Variants in GRM8 observed in about 807,000 individuals in gnomAD.
GRM8 encodes the protein metabotropic glutamate receptor 8.
GRM8 carries 47 observed loss-of-function variants against 87.2 expected under a neutral mutation model. That is an observed-to-expected ratio of 0.54 (90% CI 0.43 to 0.69). The LOEUF is 0.69. Among genes scored for constraint, GRM8 ranks in the 30% least tolerant of loss-of-function variants. GRM8 has a pLI of 0.00. For synonymous variants in GRM8, 396 were observed against 404.5 expected, an observed-to-expected ratio of 0.98 and a Z score of 0.25; for missense variants, 1,019 against 1,139.2, an observed-to-expected ratio of 0.89 and a Z score of 1.52.
At chr7:126,683,094 A>G (rs567895652) in intron 7 of GRM8, among the ~76,000 whole-genome samples, 18 of 152,344 alleles carry the variant, frequency 1.2e-4, no homozygotes, top group African/African-American at 4.1e-4. Flanking sequence ...CCCCTGTGGT[A>G]GGATATACTG....
Position 127,179,070 on chromosome 7 carries a change from G to A in GRM8, c.510+63625C>T, listed in dbSNP as rs989755925. ...TTCCACTTAAAAGATACAGAACCACGGAATGGATAAGAACTCACCAATCAT... is the reference window on the plus strand; with the variant it reads ...TTCCACTTAAAAGATACAGAACCACAGAATGGATAAGAACTCACCAATCAT... On this transcript the variant is annotated intron_variant, in intron 2 of 10. Coordinates refer to ENST00000339582, the MANE Select transcript of GRM8 (RefSeq NM_000845.3). Among the ~76,000 whole-genome samples the A allele has an allele frequency of 3.4e-4, 51 of 152,038 alleles. 1 individual carries two copies. The highest frequency in any genetic ancestry group is 1.1e-3 in the African/African-American group (46 of 41,408).
intron 2 of GRM8, among the ~76,000 whole-genome samples, chr7:127,179,037 C>T (rs1466173732): frequency 1.3e-5 from 2 of 152,094 alleles, no homozygotes; most frequent in African/African-American, 4.8e-5. Flanking sequence ...ATGTAAATGG[C>T]CTAAATGTTC....
chr7:126,464,259 C>T (rs1038775924), intron 9 of GRM8, among the ~76,000 whole-genome samples: 20 of 151,574 alleles, frequency 1.3e-4, no homozygotes, highest in South Asian at 2.1e-4. Context: ...GTCTGATAAA[C>T]GTATAGCTAC....
At chr7:126,781,406 G>A (rs1820061878) in intron 6 of GRM8, among the ~76,000 whole-genome samples, 1 of 152,118 alleles carries the variant, frequency 6.6e-6, no homozygotes, top group Non-Finnish European at 1.5e-5. Flanking sequence ...GAAAGAGATG[G>A]CATCAGAATT....
intron 6 of GRM8, among the ~76,000 whole-genome samples, chr7:126,807,382 C>T (rs975461485): frequency 1.4e-4 from 22 of 152,150 alleles, no homozygotes; most frequent in Non-Finnish European, 3.1e-4. Context: ...TAAGGAGCAG[C>T]GTTTTTCTCT....
At chr7:126,469,462 C>T (rs986143868) in intron 9 of GRM8, among the ~76,000 whole-genome samples, 2 of 152,122 alleles carry the variant, frequency 1.3e-5, no homozygotes, top group Admixed American at 6.6e-5. Context: ...ACCCAAATAT[C>T]ATTTTGAACT....
chr7:126,887,033 G>A lies in GRM8; in HGVS notation c.1156+15509C>T, dbSNP rs1400315382. Among the ~76,000 whole-genome samples the A allele has an allele frequency of 3.3e-5, 5 of 151,954 alleles. No individual in the cohort carries two copies. The East Asian group carries it at 9.7e-4, about 29-fold the overall frequency. On this transcript the variant is annotated intron_variant, in intron 6 of 10. Transcript: ENST00000339582. ...CAAGGGACGTGGATAAGGGCCAGGT[G>A]GACTAAGGAAGAGGTAATCTATCTG...
intron 2 of GRM8, among the ~76,000 whole-genome samples, chr7:127,109,624 C>T (rs143714114): frequency 5.3e-5 from 8 of 152,292 alleles, no homozygotes; most frequent in Admixed American, 5.2e-4. Flanking sequence ...TTTTGCTATT[C>T]CTGTCTTCCA....
chr7:126,596,806 A>G (rs62477882), intron 8 of GRM8, among the ~76,000 whole-genome samples: 19,510 of 152,190 alleles, frequency 0.13, 1,563 homozygotes, highest in South Asian at 0.17. Context: ...ATAAATGTCA[A>G]TATCCTAGTT....
At chr7:127,023,040 T>C (rs1039229726) in intron 3 of GRM8, among the ~76,000 whole-genome samples, 2 of 152,074 alleles carry the variant, frequency 1.3e-5, no homozygotes, top group African/African-American at 4.8e-5. Context: ...TGGTCTAGCA[T>C]TGGTGTGAAG....
rs513 is a variant in GRM8, at chr7:126,456,519, T to TAAAAAAAAAAAAAAAAAAAAAAAAAAA, written c.2431-10174_2431-10148dup. Among the ~76,000 whole-genome samples, 44 of 69,686 alleles carry TAAAAAAAAAAAAAAAAAAAAAAAAAAA rather than the reference T, an allele frequency of 6.3e-4. 4 individuals are homozygous for TAAAAAAAAAAAAAAAAAAAAAAAAAAA. Among genetic ancestry groups the TAAAAAAAAAAAAAAAAAAAAAAAAAAA allele is most frequent in the Middle Eastern group, 7.5e-3 (1 of 134 alleles). 45.7% of individuals were successfully genotyped at this position (69,686 alleles called of 152,430 possible). On this transcript the variant is annotated intron_variant, in intron 9 of 10. Coordinates refer to ENST00000339582, the MANE Select transcript of GRM8 (RefSeq NM_000845.3). ...TCCTAAGTGTAAGAAAGCAGCAAGC[T>TAAAAAAAAAAAAAAAAAAAAAAAAAAA]AAAAAAAAAAAAAAAAAAAAAAAAA...
In GRM8 at chr7:126,952,616, T is replaced by C. The variant is rs148825702; in HGVS notation, c.728-47933A>G. Reference sequence around the variant, plus strand: ...TGGTCATGATCAACACCACCACTAATAAAAAATATTGGCATCACAAATCCC... The same window carrying C: ...TGGTCATGATCAACACCACCACTAACAAAAAATATTGGCATCACAAATCCC... On this transcript the variant is annotated intron_variant, in intron 3 of 10. Transcript: ENST00000339582. Among the ~76,000 whole-genome samples, 13 of 152,002 alleles carry C rather than the reference T, an allele frequency of 8.6e-5. No individual in the cohort carries two copies. In the East Asian group the frequency reaches 2.3e-3, roughly 27 times the overall value.
At chr7:126,802,814 A>C (rs770625617) in intron 6 of GRM8, among the ~76,000 whole-genome samples, 3 of 152,332 alleles carry the variant, frequency 2.0e-5, no homozygotes, top group Non-Finnish European at 4.4e-5. Flanking sequence ...GGAAAGAAAA[A>C]TCTTCATCCT....
intron 3 of GRM8, among the ~76,000 whole-genome samples, chr7:126,921,415 A>G (rs1409293598): frequency 6.6e-6 from 1 of 152,154 alleles, no homozygotes; most frequent in Non-Finnish European, 1.5e-5. Context: ...AATAGAGGCC[A>G]TTACCAAAGA....
chr7:126,731,592 T>TC (rs1202340695), intron 7 of GRM8, among the ~76,000 whole-genome samples: 5 of 152,070 alleles, frequency 3.3e-5, no homozygotes, highest in Non-Finnish European at 7.4e-5. Flanking sequence ...TTTCTACGCA[T>TC]CCCAAATCTC....
At chr7:126,745,820 C>T (rs550761555) in intron 7 of GRM8, among the ~76,000 whole-genome samples, 1 of 151,708 alleles carries the variant, frequency 6.6e-6, no homozygotes, top group East Asian at 1.9e-4. Flanking sequence ...TCTCTCCTTC[C>T]GAATATTAAA....
At chr7:127,244,091 G>A (rs1798455821) in intron 1 of GRM8, among the ~76,000 whole-genome samples, 1 of 152,040 alleles carries the variant, frequency 6.6e-6, no homozygotes, top group Non-Finnish European at 1.5e-5. Context: ...AATTAACATA[G>A]AAAGTCAGCT....
At chr7:126,948,202 A>G (rs540888169) in intron 3 of GRM8, among the ~76,000 whole-genome samples, 1 of 152,102 alleles carries the variant, frequency 6.6e-6, no homozygotes, top group Non-Finnish European at 1.5e-5. Flanking sequence ...ACAGGAATTT[A>G]TGGGATGCTC....
intron 9 of GRM8, among the ~76,000 whole-genome samples, chr7:126,483,391 A>G (rs1039569927): frequency 2.0e-5 from 3 of 151,484 alleles, no homozygotes; most frequent in African/African-American, 7.3e-5. Context: ...TATCACAGGT[A>G]CTTTATGTAT....
Sources: gnomAD v4.1 joint callset for allele counts (sites outside exome capture counted in the v4.1 genomes callset) on GRCh38, gnomAD v4.1.1 for gene constraint, MANE v1.5 for transcripts, NCBI Gene and HGNC (gene_info 2026-07-23, HGNC 2026-07-21) for gene names.